Variants in RELN observed in about 807,000 individuals in gnomAD.
RELN encodes the protein reelin.
In RELN, 108 loss-of-function variants were observed where a neutral mutation model predicts 427.6. The ratio of observed to expected loss-of-function variants is 0.25; its 90% CI spans 0.22 to 0.30. RELN has a LOEUF of 0.30. Ranked by LOEUF, RELN falls within the 10% of genes least tolerant of loss-of-function variation. RELN has a pLI of 1.00. For missense variants in RELN, 3,715 were observed against 4,302.8 expected (o/e 0.86, Z 3.82); for synonymous variants, 1,524 against 1,513.4 (o/e 1.01, Z -0.16).
intron 2 of RELN, among the ~76,000 whole-genome samples, chr7:103,846,376 G>A (rs146361525): frequency 5.9e-5 from 9 of 152,252 alleles, no homozygotes; most frequent in East Asian, 1.9e-4. Flanking sequence ...CTAGCCATAC[G>A]CAGAAAACTG....
intron 46 of RELN, among the ~76,000 whole-genome samples, chr7:103,530,749 C>T (rs1384040479): frequency 6.6e-6 from 1 of 152,106 alleles, no homozygotes; most frequent in Non-Finnish European, 1.5e-5. Flanking sequence ...CACCTAATTC[C>T]TAGCCATCCT....
chr7:103,672,840 A>T (rs146394996), intron 11 of RELN, among the ~76,000 whole-genome samples: 128 of 152,268 alleles, frequency 8.4e-4, no homozygotes, highest in African/African-American at 3.0e-3. Context: ...TAACTTGTTT[A>T]TTATGTGCCA....
intron 11 of RELN, among the ~76,000 whole-genome samples, chr7:103,676,663 G>T (rs1402098062): frequency 3.9e-5 from 6 of 152,178 alleles, no homozygotes; most frequent in Non-Finnish European, 7.3e-5. Context: ...TGATAGACTG[G>T]ATTAAGAAAA....
At chr7:103,811,339 G>C (rs1792738938) in intron 3 of RELN, among the ~76,000 whole-genome samples, 1 of 152,052 alleles carries the variant, frequency 6.6e-6, no homozygotes, top group South Asian at 2.1e-4. Context: ...GAAGGGCCTG[G>C]GTTTAATCAC....
chr7:103,675,304 A>G (rs1833491548), intron 11 of RELN, among the ~76,000 whole-genome samples: 1 of 152,222 alleles, frequency 6.6e-6, no homozygotes, highest in African/African-American at 2.4e-5. Context: ...CAAAGAGAAT[A>G]AAATACCTAG....
At chr7:103,558,453 C>G (rs1830572802) in intron 36 of RELN, among the ~76,000 whole-genome samples, 1 of 152,140 alleles carries the variant, frequency 6.6e-6, no homozygotes. Flanking sequence ...TGATAGGTGA[C>G]TTTCTCAGGG....
chr7:103,640,502 A>T lies in RELN; in HGVS notation c.2069+41T>A. 6.3e-7 allele frequency: 1 copy of T among 1,597,028 alleles called. No homozygotes were observed. The highest frequency in any genetic ancestry group is 8.6e-7 in the Non-Finnish European group (1 of 1,164,798). ...TGCGACTTCAACACATACATTACAC[A>T]TCAAAAAGGAGAAGCATAAGTGTTA... On this transcript the variant is annotated intron_variant, in intron 17 of 64. Coordinates refer to ENST00000428762, the MANE Select transcript of RELN (RefSeq NM_005045.4). This position sits in a 1 kb window ranked among gnomAD's most constrained non-coding sequence, Gnocchi z 4.1.
intron 2 of RELN, among the ~76,000 whole-genome samples, chr7:103,848,366 C>T (rs1278429181): frequency 1.3e-5 from 2 of 152,144 alleles, no homozygotes; most frequent in Non-Finnish European, 2.9e-5. Context: ...AGAATATAAC[C>T]TAATTGAGGG....
At chr7:103,547,441 C>T (rs768473381) in intron 41 of RELN, among the ~76,000 whole-genome samples, 109 of 152,084 alleles carry the variant, frequency 7.2e-4, no homozygotes, top group Non-Finnish European at 1.2e-3. Context: ...GGATTACAGG[C>T]GCCCGCCACC....
At chr7:103,733,196 T>C (rs1208339311) in intron 6 of RELN, among the ~76,000 whole-genome samples, 1 of 152,072 alleles carries the variant, frequency 6.6e-6, no homozygotes, top group Non-Finnish European at 1.5e-5. Context: ...AGAATGCTCA[T>C]CATCACTGGC....
intron 8 of RELN, among the ~76,000 whole-genome samples, chr7:103,719,300 T>G (rs573324360): frequency 1.3e-5 from 2 of 152,218 alleles, no homozygotes; most frequent in South Asian, 4.1e-4. Flanking sequence ...GCCTCTTCAC[T>G]TGAAAAACCT....
chr7:103,749,266 T>C lies in RELN; in HGVS notation c.656+160A>G, dbSNP rs17155347. ...TAAAGAAGTCAAGTAATAGACATTA[T>C]ATGCAGTCTACATTAAGCCCAGTTC... On this transcript the variant is annotated intron_variant, in intron 6 of 64. Coordinates refer to ENST00000428762, the MANE Select transcript of RELN (RefSeq NM_005045.4). Among the ~76,000 whole-genome samples, 3,034 of 152,246 alleles carry C rather than the reference T, an allele frequency of 0.02. 101 individuals carry two copies. Among genetic ancestry groups the C allele is most frequent in the African/African-American group, 0.07 (2,912 of 41,530 alleles).
At chr7:103,652,811 A>G in intron 13 of RELN, 52 bp from the exon 14 acceptor site, 1 of 1,541,652 alleles carries the variant, frequency 6.5e-7, no homozygotes, top group South Asian at 1.1e-5. Flanking sequence ...AGGCTAGTCC[A>G]TGTAAATTCT....
intron 4 of RELN, among the ~76,000 whole-genome samples, chr7:103,765,795 G>T (rs956734516): frequency 2.6e-5 from 4 of 152,114 alleles, no homozygotes; most frequent in Non-Finnish European, 4.4e-5. Flanking sequence ...TCCTTCTTGG[G>T]CATAAATCTA....
chr7:103,904,030 G>A (rs1375817535), intron 2 of RELN, among the ~76,000 whole-genome samples: 2 of 151,954 alleles, frequency 1.3e-5, no homozygotes, highest in African/African-American at 4.8e-5. Context: ...CAGGCCCCAG[G>A]TGTGTGTTGT....
intron 2 of RELN, among the ~76,000 whole-genome samples, chr7:103,899,950 C>T (rs970555560): frequency 6.6e-6 from 1 of 152,008 alleles, no homozygotes; most frequent in Non-Finnish European, 1.5e-5. Flanking sequence ...CTGGCCAGAG[C>T]AATCAGGCAG....
intron 3 of RELN, among the ~76,000 whole-genome samples, chr7:103,785,949 T>G (rs1792004119): frequency 6.6e-6 from 1 of 152,056 alleles, no homozygotes; most frequent in African/African-American, 2.4e-5. Flanking sequence ...TCCATTTTTT[T>G]TTTTGACTGT....
At chr7:103,808,314 T>C (rs1792650625) in intron 3 of RELN, among the ~76,000 whole-genome samples, 5 of 151,788 alleles carry the variant, frequency 3.3e-5, no homozygotes. Context: ...TAATGCTAAA[T>C]GATGAGTTAA....
chr7:103,929,866 GTT>G (rs1347665141), intron 1 of RELN, among the ~76,000 whole-genome samples: 1 of 152,234 alleles, frequency 6.6e-6, no homozygotes, highest in Non-Finnish European at 1.5e-5. Context: ...CAACTCAAAA[GTT>G]TTCACTGCTC....
Sources: allele counts gnomAD v4.1 joint callset (sites outside exome capture counted in the v4.1 genomes callset), GRCh38; gene constraint gnomAD v4.1.1; non-coding constraint Gnocchi (gnomAD v3.1); transcripts MANE v1.5; gene names NCBI Gene and HGNC (gene_info 2026-07-23, HGNC 2026-07-21).